CREB5: variants seen among roughly 807,000 people sequenced by gnomAD.
The protein encoded by CREB5 is cAMP responsive element binding protein 5, also known as cyclic AMP-responsive element-binding protein 5.
CREB5 carries 19 observed loss-of-function variants against 57.1 expected under a neutral mutation model. That is an observed-to-expected ratio of 0.33 (90% confidence interval 0.23 to 0.49). The LOEUF is 0.49. CREB5 is among the 20% of genes least tolerant of loss of function. The pLI is 0.99. For synonymous variants in CREB5, 238 were observed against 238.3 expected (o/e 1.00, Z 0.01); for missense variants, 579 against 671.6 (o/e 0.86, Z 1.52).
At chr7:28,450,009 G>A (rs1285539852) in intron 1 of CREB5, among the ~76,000 whole-genome samples, 1 of 152,128 alleles carries the variant, frequency 6.6e-6, no homozygotes, top group African/African-American at 2.4e-5. Context: ...TGGTGAGATC[G>A]AATCTTTGGA....
intron 5 of CREB5, among the ~76,000 whole-genome samples, chr7:28,612,592 G>C (rs1447368628): frequency 7.1e-6 from 1 of 141,412 alleles, no homozygotes; most frequent in Non-Finnish European, 1.5e-5. Flanking sequence ...GTGTGTGTAA[G>C]GATACAGTTA....
At chr7:28,815,031 G>A (rs1809343784) in intron 9 of CREB5, among the ~76,000 whole-genome samples, 1 of 152,224 alleles carries the variant, frequency 6.6e-6, no homozygotes, top group South Asian at 2.1e-4. Context: ...AGCACTTGGG[G>A]AGGCTGAGGC....
At chr7:28,452,748 C>T (rs1169235331) in intron 1 of CREB5, among the ~76,000 whole-genome samples, 2 of 152,216 alleles carry the variant, frequency 1.3e-5, no homozygotes, top group Non-Finnish European at 2.9e-5. Flanking sequence ...ACCCTCTGGT[C>T]TCTTGCCACT....
At chr7:28,421,759 T>C (rs111815356) in intron 1 of CREB5, among the ~76,000 whole-genome samples, 543 of 34,786 alleles carry the variant, frequency 0.016, 5 homozygotes, top group African/African-American at 0.054. Context: ...TATATATACA[T>C]ACACACACAC....
At chr7:28,531,604 A>G (rs1793731469) in intron 4 of CREB5, among the ~76,000 whole-genome samples, 1 of 152,212 alleles carries the variant, frequency 6.6e-6, no homozygotes, top group Admixed American at 6.5e-5. Context: ...GGGGATTAGA[A>G]CATCAATATA....
intron 9 of CREB5, among the ~76,000 whole-genome samples, chr7:28,814,836 G>A (rs1809333754): frequency 6.6e-6 from 1 of 152,132 alleles, no homozygotes; most frequent in South Asian, 2.1e-4. Flanking sequence ...TGGTTATTAG[G>A]CCTTTATTTA....
At chr7:28,618,153 G>C (rs914302057) in intron 5 of CREB5, among the ~76,000 whole-genome samples, 16 of 152,224 alleles carry the variant, frequency 1.1e-4, no homozygotes, top group African/African-American at 3.1e-4. Flanking sequence ...GGAGCTGGAG[G>C]GGACTATCAG....
intron 4 of CREB5, among the ~76,000 whole-genome samples, chr7:28,569,418 G>C (rs1424734569): frequency 6.6e-6 from 1 of 151,802 alleles, no homozygotes; most frequent in Non-Finnish European, 1.5e-5. Flanking sequence ...ATTTTCTCTG[G>C]GTGTCTGAGT....
intron 4 of CREB5, among the ~76,000 whole-genome samples, chr7:28,563,587 G>A (rs1795362483): frequency 6.6e-6 from 1 of 152,192 alleles, no homozygotes; most frequent in African/African-American, 2.4e-5. Flanking sequence ...GTGCAGTGGT[G>A]CAATCACGGC....
At chr7:28,564,155 T>A (rs1204030250) in intron 4 of CREB5, among the ~76,000 whole-genome samples, 2 of 152,224 alleles carry the variant, frequency 1.3e-5, no homozygotes, top group Non-Finnish European at 2.9e-5. Flanking sequence ...CTTCTGAAAG[T>A]CTTCATAACT....
intron 1 of CREB5, among the ~76,000 whole-genome samples, chr7:28,415,511 T>C (rs531754804): frequency 2.1e-4 from 32 of 152,370 alleles, no homozygotes; most frequent in African/African-American, 7.5e-4. Context: ...AATGAACACC[T>C]TAATCATAAA....
At chr7:28,443,592 A>G (rs1207629460) in intron 1 of CREB5, among the ~76,000 whole-genome samples, 1 of 152,176 alleles carries the variant, frequency 6.6e-6, no homozygotes, top group Non-Finnish European at 1.5e-5. Context: ...AGAGAGGTGG[A>G]ATCATTCATT....
At chr7:28,331,576 T>A (rs1562660550) in intron 1 of CREB5, among the ~76,000 whole-genome samples, 1 of 152,114 alleles carries the variant, frequency 6.6e-6, no homozygotes, top group Non-Finnish European at 1.5e-5. Context: ...CTTTTACTCC[T>A]ACACTTTGCA....
intron 1 of CREB5, among the ~76,000 whole-genome samples, chr7:28,340,889 T>C (rs1245825538): frequency 6.6e-6 from 1 of 152,172 alleles, no homozygotes; most frequent in African/African-American, 2.4e-5. Context: ...AGTTCTGCTC[T>C]CTGTTGGCAG....
intron 1 of CREB5, among the ~76,000 whole-genome samples, chr7:28,458,347 AAGAT>A (rs753089025): frequency 6.6e-6 from 1 of 152,246 alleles, no homozygotes; most frequent in Non-Finnish European, 1.5e-5. Context: ...ATTTCTAAAA[AAGAT>A]AGGCAGAATT....
chr7:28,711,833 G>A (rs1802412165), intron 5 of CREB5, among the ~76,000 whole-genome samples: 1 of 152,192 alleles, frequency 6.6e-6, no homozygotes, highest in South Asian at 2.1e-4. Flanking sequence ...TTGTTGGACT[G>A]TGGTTCTTTA....
intron 4 of CREB5, among the ~76,000 whole-genome samples, chr7:28,567,301 C>T (rs1021146633): frequency 6.6e-6 from 1 of 152,220 alleles, no homozygotes; most frequent in East Asian, 1.9e-4. Context: ...ACCTTAATAT[C>T]TAAAACTGCA....
At chr7:28,433,051 T>A (rs536698319) in intron 1 of CREB5, among the ~76,000 whole-genome samples, 2 of 152,384 alleles carry the variant, frequency 1.3e-5, no homozygotes, top group Admixed American at 6.5e-5. Context: ...TTTGTTATAA[T>A]GTACTTAAGC....
chr7:28,332,433 T>G (rs1428433877), intron 1 of CREB5, among the ~76,000 whole-genome samples: 1 of 152,210 alleles, frequency 6.6e-6, no homozygotes, highest in African/African-American at 2.4e-5. Flanking sequence ...TATTCCTAAG[T>G]GCATAGCCTG....
Sources: allele counts gnomAD v4.1 joint callset (sites outside exome capture counted in the v4.1 genomes callset), GRCh38; gene constraint gnomAD v4.1.1; transcripts MANE v1.5; gene names NCBI Gene and HGNC (gene_info 2026-07-23, HGNC 2026-07-21).